Variants in SLC4A7 observed in about 807,000 individuals in gnomAD.
SLC4A7 encodes the protein sodium bicarbonate cotransporter 3.
A neutral mutation model predicts 137.6 loss-of-function variants in SLC4A7; 51 were observed. The ratio of observed to expected loss-of-function variants is 0.37; its 90% CI spans 0.30 to 0.47. The LOEUF (loss-of-function observed/expected upper bound fraction) is 0.47. SLC4A7 is among the 20% of genes least tolerant of loss of function. The pLI, the probability that SLC4A7 is intolerant of heterozygous loss-of-function variation, is 1.00. For missense variants in SLC4A7, 1,247 were observed against 1,525.4 expected (o/e 0.82, Z 3.04); for synonymous variants, 542 against 518.6 (o/e 1.05, Z -0.61).
In SLC4A7 at chr3:27,451,828, C is replaced by T. The variant is rs75134235; in HGVS notation, c.142+589G>A. ...CATTTACACAAATGTATGATGGCTG[C>T]GCAAAATGTTAACATTAGGAGAAAC... On this transcript the variant is annotated intron_variant, in intron 2 of 25. Transcript: ENST00000454389. Among the ~76,000 whole-genome samples, 1,016 of 152,168 alleles carry T rather than the reference C, an allele frequency of 6.7e-3. 3 individuals are homozygous for T. The highest frequency in any genetic ancestry group is 0.011 in the Non-Finnish European group (747 of 67,932).
chr3:27,452,099 G>T (rs1270681838), intron 2 of SLC4A7, among the ~76,000 whole-genome samples: 2 of 152,020 alleles, frequency 1.3e-5, no homozygotes, highest in Non-Finnish European at 2.9e-5. Context: ...TATTAGTCTG[G>T]CACTCTAGTG....
chr3:27,477,456 C>A (rs544227050), intron 1 of SLC4A7, among the ~76,000 whole-genome samples: 2 of 152,172 alleles, frequency 1.3e-5, no homozygotes, highest in Non-Finnish European at 2.9e-5. Context: ...AAGATCTGAA[C>A]CCACGGTTGA....
At position 27,421,744 on chromosome 3, in the gene SLC4A7, A is replaced by G; in HGVS notation, c.1302T>C (p.Gly434=). 1.2e-6 allele frequency: 2 copies of G among 1,613,350 alleles called. No individual in the cohort carries two copies. The highest frequency in any genetic ancestry group is 1.7e-6 in the Non-Finnish European group (2 of 1,179,448). Reference sequence around the variant, plus strand: ...CCACCAGGACGTTGGATGCCTCAGCACCCGTAGGAATTTTTCTCATGAAAT... The same window carrying G: ...CCACCAGGACGTTGGATGCCTCAGCGCCCGTAGGAATTTTTCTCATGAAAT... ...DMNFMRKIPT[G]AEASNVLVGE... Residue 434 remains glycine (G), a synonymous_variant, in exon 9 of 26, where the codon GGT becomes GGC. Transcript: ENST00000454389.
At chr3:27,478,834 A>C (rs1436517872) in intron 1 of SLC4A7, among the ~76,000 whole-genome samples, 1 of 95,532 alleles carries the variant, frequency 1.0e-5, no homozygotes, top group East Asian at 2.8e-4. Context: ...CTAAAAATAC[A>C]AAAAAAAAAA....
At chr3:27,381,506 A>G (rs2150016455) in intron 24 of SLC4A7, among the ~76,000 whole-genome samples, 1 of 152,162 alleles carries the variant, frequency 6.6e-6, no homozygotes, top group African/African-American at 2.4e-5. Flanking sequence ...CTTGGCATTT[A>G]AAGTATATAA....
intron 11 of SLC4A7, among the ~76,000 whole-genome samples, chr3:27,414,799 G>A (rs1358736243): frequency 1.3e-5 from 2 of 152,222 alleles, no homozygotes; most frequent in East Asian, 3.9e-4. Flanking sequence ...ACTAGTTTTT[G>A]AGCTTCTCCA....
intron 5 of SLC4A7, among the ~76,000 whole-genome samples, chr3:27,435,066 A>G (rs1334872067): frequency 6.6e-6 from 1 of 152,168 alleles, no homozygotes; most frequent in Non-Finnish European, 1.5e-5. Flanking sequence ...GGACAATTCA[A>G]ATATTTGCAG....
chr3:27,403,065 A>G, intron 15 of SLC4A7, 74 bp downstream of exon 15: 1 of 1,477,334 alleles, frequency 6.8e-7, no homozygotes, highest in Non-Finnish European at 9.1e-7. Flanking sequence ...CACTGCAAAA[A>G]AAATTCATTT....
rs2149962910 is a variant in SLC4A7, at chr3:27,373,320, A to C, written c.*3444T>G. The C allele has an allele frequency of 6.6e-6, 1 of 152,288 alleles. No homozygotes were observed. Among genetic ancestry groups the C allele is most frequent in the African/African-American group, 2.4e-5 (1 of 41,572 alleles). The allele number at this position is 152,288 out of a possible 1,614,324, so 9.4% of individuals were successfully genotyped here. A position where few individuals can be genotyped will look rare whatever the true frequency, so the allele number is the denominator to read the frequency against. Reference sequence around the variant, plus strand: ...TTAGAAAAGAAACCAATTTATATGAAGATTGCCAAATTTTGCAATTTGAAC... The same window carrying C: ...TTAGAAAAGAAACCAATTTATATGACGATTGCCAAATTTTGCAATTTGAAC... On this transcript the variant is annotated 3_prime_UTR_variant, in exon 26 of 26. Coordinates refer to ENST00000454389, the MANE Select transcript of SLC4A7 (RefSeq NM_001321103.2).
At chr3:27,484,038 G>C (rs1216353211) in intron 1 of SLC4A7, 29 bp downstream of exon 1, 5 of 1,383,692 alleles carry the variant, frequency 3.6e-6, no homozygotes, top group Middle Eastern at 2.3e-4. Context: ...TCCCCCTGCG[G>C]AGGAGCCCCA....
intron 24 of SLC4A7, 53 bp from the exon 25 acceptor site, chr3:27,379,409 A>C: frequency 1.0e-5 from 9 of 880,140 alleles, no homozygotes; most frequent in Non-Finnish European, 1.6e-5. Context: ...AAAAGCATTA[A>C]TATTGTCATT....
intron 24 of SLC4A7, 149 bp downstream of exon 24, chr3:27,383,004 T>C (rs1250699439): frequency 1.7e-6 from 1 of 586,620 alleles, no homozygotes; most frequent in African/African-American, 1.9e-5. Context: ...CTTTTCAAAT[T>C]GTGTGAAGCC....
chr3:27,384,039 A>G (rs2050695829), intron 23 of SLC4A7, among the ~76,000 whole-genome samples: 1 of 152,248 alleles, frequency 6.6e-6, no homozygotes, highest in Non-Finnish European at 1.5e-5. Context: ...GACACGGAAG[A>G]AAATTATGAT....
chr3:27,446,219 T>C (rs1174964457), intron 3 of SLC4A7, among the ~76,000 whole-genome samples: 1 of 151,616 alleles, frequency 6.6e-6, no homozygotes, highest in African/African-American at 2.4e-5. Flanking sequence ...GAAAACGCAT[T>C]GGAAAACAGC....
In SLC4A7 at chr3:27,394,749, A is replaced by G; in HGVS notation, c.2886T>C (p.Leu962=). 6.2e-7 allele frequency: 1 copy of G among 1,614,154 alleles called. No homozygotes were observed. Among genetic ancestry groups the G allele is most frequent in the South Asian group, 1.1e-5 (1 of 91,070 alleles). The change falls in exon 20 of 26, where the codon CTT becomes CTC. Residue 962 remains leucine (L), a synonymous_variant. Coordinates refer to ENST00000454389, the MANE Select transcript of SLC4A7 (RefSeq NM_001321103.2). ...HKLKKGAGYH[L]DLLMVGVMLG... is the part of the protein sequence containing the mutation. ...ACATAACGCCAACCATGAGCAAATCAAGGTGATAGCCAGCTCCTTTCTGAA... is the reference window on the plus strand; with the variant it reads ...ACATAACGCCAACCATGAGCAAATCGAGGTGATAGCCAGCTCCTTTCTGAA...
chr3:27,470,808 G>A (rs776075662), intron 1 of SLC4A7, among the ~76,000 whole-genome samples: 20 of 152,220 alleles, frequency 1.3e-4, no homozygotes, highest in Admixed American at 5.9e-4. Context: ...TGGGCGTGGT[G>A]GCATGCGCCT....
At chr3:27,407,264 G>A (rs1283561384) in intron 13 of SLC4A7, among the ~76,000 whole-genome samples, 1 of 151,676 alleles carries the variant, frequency 6.6e-6, no homozygotes, top group African/African-American at 2.4e-5. Flanking sequence ...GGCAGATCAC[G>A]AGGTCACATT....
intron 1 of SLC4A7, among the ~76,000 whole-genome samples, chr3:27,472,416 C>A (rs1427027461): frequency 6.6e-6 from 1 of 152,038 alleles, no homozygotes; most frequent in African/African-American, 2.4e-5. Flanking sequence ...GGCGAAACCC[C>A]ATCTGTATGG....
In SLC4A7 at chr3:27,375,258, G is replaced by A. The variant is rs2049825275; in HGVS notation, c.*1506C>T. On this transcript the variant is annotated 3_prime_UTR_variant, in exon 26 of 26. Coordinates refer to ENST00000454389, the MANE Select transcript of SLC4A7 (RefSeq NM_001321103.2). ...TAATTATATGGTTAAAGGGAGCATT[G>A]GAATTTCATAAAATTTTCATCCTAA... 1 of 151,900 alleles carries A rather than the reference G, an allele frequency of 6.6e-6. No homozygotes were observed. Among genetic ancestry groups the A allele is most frequent in the Non-Finnish European group, 1.5e-5 (1 of 67,862 alleles). The allele number at this position is 151,900 out of a possible 1,614,324, so 9.4% of individuals were successfully genotyped here. A position where few individuals can be genotyped will look rare whatever the true frequency, so the allele number is the denominator to read the frequency against.
Sources: gnomAD v4.1 joint callset for allele counts (sites outside exome capture counted in the v4.1 genomes callset) on GRCh38, gnomAD v4.1.1 for gene constraint, MANE v1.5 for transcripts, NCBI Gene and HGNC (gene_info 2026-07-23, HGNC 2026-07-21) for gene names.